Variants in DNAH3 observed in about 807,000 individuals in gnomAD.
The protein encoded by DNAH3 is axonemal beta dynein heavy chain 3.
A neutral mutation model predicts 432.5 loss-of-function variants in DNAH3; 332 were observed. The observed-to-expected ratio is 0.77, with a 90% CI of 0.70 to 0.84. DNAH3 has a LOEUF of 0.84. DNAH3 is among the 40% of genes least tolerant of loss of function. The probability of loss-of-function intolerance (pLI) is 0.00; values close to 1 mark genes in which losing one functional copy is unlikely to be tolerated. For missense variants in DNAH3, 4,861 were observed against 5,114.0 expected (o/e 0.95, Z 1.51); for synonymous variants, 1,956 against 1,900.2 (o/e 1.03, Z -0.76).
At chr16:20,940,660 G>A (rs1466499694) in intron 59 of DNAH3, among the ~76,000 whole-genome samples, 1 of 150,204 alleles carries the variant, frequency 6.7e-6, no homozygotes, top group Non-Finnish European at 1.5e-5. Flanking sequence ...TTGGACTCCT[G>A]GCCTCAGGTG....
intron 1 of DNAH3, among the ~76,000 whole-genome samples, chr16:21,153,131 G>C (rs1477530973): frequency 6.6e-6 from 1 of 152,224 alleles, no homozygotes; most frequent in Non-Finnish European, 1.5e-5. Flanking sequence ...TCAGCACCCT[G>C]AGTCTAACTC....
At position 20,982,896 on chromosome 16, in the gene DNAH3, A is replaced by G. The variant is rs753606578; in HGVS notation, c.7684T>C (p.Phe2562Leu). 6.2e-7 allele frequency: 1 copy of G among 1,613,732 alleles called. No individual in the cohort carries two copies. Among genetic ancestry groups the G allele is most frequent in the African/African-American group, 1.3e-5 (1 of 75,022 alleles). ...CCTATTGGACTCATGGCTAATGAAA[A>G]GGAGATTTTGTTAATTACCTTCCTC... Residue 2562 changes from phenylalanine to leucine, a missense_variant, in exon 49 of 62, where the codon TTT becomes CTT. Physicochemically the swap from Phe to Leu is conservative, Grantham distance 22. Coordinates refer to ENST00000261383, the Ensembl canonical transcript of DNAH3.
chr16:21,045,036 G>T (rs191936051), intron 31 of DNAH3, among the ~76,000 whole-genome samples: 9 of 152,080 alleles, frequency 5.9e-5, no homozygotes, highest in South Asian at 2.1e-4. Context: ...ACTTGATCAG[G>T]GTGGATAAGC....
intron 54 of DNAH3, among the ~76,000 whole-genome samples, chr16:20,958,176 G>A (rs187144572): frequency 6.6e-6 from 1 of 151,338 alleles, no homozygotes; most frequent in East Asian, 1.9e-4. Context: ...AGGCTCAGGT[G>A]ATTCTCCCAG....
At chr16:20,967,999 C>A (rs2085140224) in intron 52 of DNAH3, among the ~76,000 whole-genome samples, 1 of 152,116 alleles carries the variant, frequency 6.6e-6, no homozygotes, top group Admixed American at 6.6e-5. Context: ...TGAGTTTAGG[C>A]CTGACACCCG....
chr16:21,101,006 CACAT>C (rs1338087936), intron 16 of DNAH3, among the ~76,000 whole-genome samples: 5 of 152,170 alleles, frequency 3.3e-5, no homozygotes, highest in African/African-American at 1.2e-4. Flanking sequence ...ACAACACACA[CACAT>C]ACAAACAACT....
chr16:21,005,541 G>A (rs987220811), intron 41 of DNAH3, among the ~76,000 whole-genome samples: 1 of 151,990 alleles, frequency 6.6e-6, no homozygotes, highest in African/African-American at 2.4e-5. Flanking sequence ...ACCGCACCCA[G>A]CAAATAATTT....
At chr16:21,027,264 T>C (rs1372737369) in intron 37 of DNAH3, 137 bp from the exon 38 acceptor site, 2 of 643,276 alleles carry the variant, frequency 3.1e-6, no homozygotes, top group African/African-American at 3.6e-5. Flanking sequence ...TCCCAGGCAC[T>C]GTTATGCACT....
At chr16:20,989,905 G>T (rs1418845983) in intron 44 of DNAH3, among the ~76,000 whole-genome samples, 2 of 152,184 alleles carry the variant, frequency 1.3e-5, no homozygotes, top group Non-Finnish European at 2.9e-5. Context: ...CTCATTGCCC[G>T]GGGCCGGCAG....
intron 5 of DNAH3, among the ~76,000 whole-genome samples, chr16:21,138,053 G>A (rs2152826553): frequency 6.6e-6 from 1 of 152,106 alleles, no homozygotes; most frequent in Non-Finnish European, 1.5e-5. Context: ...TTTGAGACCA[G>A]CCTGACCAAC....
At chr16:20,993,893 C>T (rs574484750) in intron 44 of DNAH3, among the ~76,000 whole-genome samples, 5 of 152,152 alleles carry the variant, frequency 3.3e-5, no homozygotes, top group South Asian at 2.1e-4. Flanking sequence ...TGTTTATTAG[C>T]GTATGCCTTG....
At chr16:21,013,194 T>G (rs1271581990) in intron 41 of DNAH3, among the ~76,000 whole-genome samples, 1 of 151,828 alleles carries the variant, frequency 6.6e-6, no homozygotes, top group Non-Finnish European at 1.5e-5. Context: ...CAACAGGAAA[T>G]TAATAGATAA....
chr16:20,983,128 T>G lies in DNAH3; in HGVS notation c.7666-214A>C, dbSNP rs146440345. On this transcript the variant is annotated intron_variant, in intron 48 of 61. Transcript: ENST00000261383. ...AGCCCCTTTTTAAAAAAAATTTTAA[T>G]TTTTTATTTTTTATTAAGACAGATT... is the stretch of plus-strand genomic sequence containing the variant. Among the ~76,000 whole-genome samples the G allele has an allele frequency of 9.8e-3, 1,485 of 152,212 alleles. 15 individuals carry two copies. The highest frequency in any genetic ancestry group is 0.027 in the Middle Eastern group (8 of 292).
chr16:21,142,363 G>A (rs947098858), intron 3 of DNAH3, among the ~76,000 whole-genome samples: 6 of 151,822 alleles, frequency 4.0e-5, no homozygotes, highest in South Asian at 2.1e-4. Flanking sequence ...GCGAAACTCC[G>A]TCTCAAAAAA....
At chr16:20,979,251 T>A in intron 50 of DNAH3, 79 bp downstream of exon 50, 1 of 1,375,006 alleles carries the variant, frequency 7.3e-7, no homozygotes, top group South Asian at 1.2e-5. Flanking sequence ...TCCTCTTAAT[T>A]CCGCACCTGA....
chr16:20,963,806 T>G, exon 53 of DNAH3: 1 of 1,613,886 alleles, frequency 6.2e-7, no homozygotes. Context: ...CGGCACACGT[T>G]GTTGTAGATG....
rs1292502296 is a variant in DNAH3 at position 21,075,574 on chromosome 16, C to CACAGCA, written c.2970-19_2970-14dup. On this transcript the variant is annotated splice_polypyrimidine_tract_variant and intron_variant, in intron 20 of 61. Coordinates refer to ENST00000261383, the Ensembl canonical transcript of DNAH3. ...AATGGGCTCCAATCTAAAGAGAGAA[C>CACAGCA]ACAGCAACAGCAACATCAACAGGAG... The CACAGCA allele has an allele frequency of 1.4e-5, 22 of 1,588,584 alleles. No individual in the cohort carries two copies. Among genetic ancestry groups the CACAGCA allele is most frequent in the Non-Finnish European group, 1.8e-5 (21 of 1,156,978 alleles).
intron 24 of DNAH3, chr16:21,062,918 G>GCT: frequency 2.1e-6 from 1 of 485,802 alleles, no homozygotes; most frequent in Non-Finnish European, 3.7e-6. Flanking sequence ...GAACTCCTGG[G>GCT]CTCAAGCAAT....
At chr16:20,945,920 A>G (rs1471596208) in intron 57 of DNAH3, among the ~76,000 whole-genome samples, 3 of 152,172 alleles carry the variant, frequency 2.0e-5, no homozygotes, top group African/African-American at 7.2e-5. Context: ...AAAACTATGT[A>G]CCCTTGAACT....
Sources: gnomAD v4.1 joint callset for allele counts (sites outside exome capture counted in the v4.1 genomes callset) on GRCh38, gnomAD v4.1.1 for gene constraint, MANE v1.5 for transcripts, NCBI Gene and HGNC (gene_info 2026-07-23, HGNC 2026-07-21) for gene names.